The following MRPL45 variants were observed in gnomAD, a reference collection of about 807,000 sequenced individuals.
MRPL45 encodes large ribosomal subunit protein mL45.
Under a neutral mutation model 38.1 loss-of-function variants are expected in MRPL45, and 20 were observed. That is an observed-to-expected ratio of 0.53 (90% CI 0.37 to 0.76). The LOEUF (loss-of-function observed/expected upper bound fraction) is 0.76, where lower values mean the gene tolerates loss of function less well. Among genes scored for constraint, MRPL45 ranks in the 30% least tolerant of loss-of-function variants. MRPL45 has a pLI of 0.00. For missense variants in MRPL45, 337 were observed against 395.6 expected, an observed-to-expected ratio of 0.85 and a Z score of 1.26; for synonymous variants, 105 against 128.8, an observed-to-expected ratio of 0.82 and a Z score of 1.25.
intron 1 of MRPL45, among the ~76,000 whole-genome samples, chr17:38,297,985 T>G (rs2610353): frequency 0.74 from 112,087 of 152,126 alleles, 44,787 homozygotes; most frequent in East Asian, 1. Flanking sequence ...TAGTCCCAGC[T>G]ACTTGGGAGG....
chr17:38,316,024 C>T (rs111234367), intron 4 of MRPL45, among the ~76,000 whole-genome samples: 3,923 of 152,216 alleles, frequency 0.026, 169 homozygotes, highest in African/African-American at 0.09. Flanking sequence ...ATCCACCCAC[C>T]TTGGCCTCCC....
At chr17:38,310,128 TTC>T (rs2037096273) in intron 4 of MRPL45, among the ~76,000 whole-genome samples, 1 of 65,912 alleles carries the variant, frequency 1.5e-5, no homozygotes, top group Non-Finnish European at 3.3e-5. Context: ...TTTTAGAATT[TTC>T]TTTTTTTTTT....
intron 4 of MRPL45, among the ~76,000 whole-genome samples, chr17:38,316,639 A>G (rs916720079): frequency 6.7e-6 from 1 of 150,034 alleles, no homozygotes; most frequent in Non-Finnish European, 1.5e-5. Context: ...TGAAACCCCA[A>G]CTCTACTAAA....
At chr17:38,314,378 A>G (rs1330466358) in intron 4 of MRPL45, among the ~76,000 whole-genome samples, 1 of 152,248 alleles carries the variant, frequency 6.6e-6, no homozygotes, top group Admixed American at 6.5e-5. Context: ...TGCTGGGATT[A>G]CAGGCGTGAG....
intron 4 of MRPL45, among the ~76,000 whole-genome samples, chr17:38,314,653 A>G (rs1212644946): frequency 6.6e-6 from 1 of 152,126 alleles, no homozygotes; most frequent in African/African-American, 2.4e-5. Flanking sequence ...AGTGAAAACT[A>G]TGTGATGTTT....
intron 3 of MRPL45, among the ~76,000 whole-genome samples, chr17:38,300,877 C>T (rs1320688332): frequency 2.3e-4 from 35 of 152,170 alleles, no homozygotes; most frequent in African/African-American, 3.6e-4. Flanking sequence ...ACCCGGGAGG[C>T]GGAGGTTGCG....
chr17:38,306,394 G>A (rs1198718154), intron 3 of MRPL45, 139 bp from the exon 4 acceptor site: 8 of 900,420 alleles, frequency 8.9e-6, no homozygotes, highest in Non-Finnish European at 1.3e-5. Context: ...GGGTGACAGA[G>A]CGAGACTCAA....
chr17:38,302,486 CAAAA>C (rs1301214106), intron 3 of MRPL45, among the ~76,000 whole-genome samples: 2 of 55,754 alleles, frequency 3.6e-5, no homozygotes, highest in African/African-American at 6.9e-5. Context: ...GACTCCATCT[CAAAA>C]AAAAAAAAAA....
At chr17:38,300,307 C>T (rs562017299) in intron 3 of MRPL45, among the ~76,000 whole-genome samples, 8 of 151,996 alleles carry the variant, frequency 5.3e-5, no homozygotes, top group African/African-American at 1.7e-4. Flanking sequence ...TGAGCCACTG[C>T]GCCCAGCCGA....
chr17:38,299,835 C>G (rs1396555072), intron 3 of MRPL45, among the ~76,000 whole-genome samples: 1 of 151,692 alleles, frequency 6.6e-6, no homozygotes, highest in Non-Finnish European at 1.5e-5. Flanking sequence ...CTCCTGGATT[C>G]AAATGATCCT....
intron 4 of MRPL45, among the ~76,000 whole-genome samples, chr17:38,307,282 C>T (rs559830141): frequency 3.9e-4 from 59 of 151,600 alleles, no homozygotes; most frequent in Admixed American, 9.9e-4. Context: ...GCAACCTGCC[C>T]GCCTCGGCCT....
chr17:38,313,267 G>A (rs1327925447), intron 4 of MRPL45, among the ~76,000 whole-genome samples: 2 of 139,562 alleles, frequency 1.4e-5, no homozygotes. Context: ...ACAGGCGTGA[G>A]CTATTGCGCC....
chr17:38,302,099 A>G (rs1203517528), intron 3 of MRPL45, among the ~76,000 whole-genome samples: 1 of 135,972 alleles, frequency 7.4e-6, no homozygotes, highest in Admixed American at 8.6e-5. Flanking sequence ...CCTGGGCGAC[A>G]GAGCAAGACT....
At chr17:38,302,783 G>T (rs1446585559) in intron 3 of MRPL45, among the ~76,000 whole-genome samples, 2 of 150,070 alleles carry the variant, frequency 1.3e-5, no homozygotes, top group Non-Finnish European at 3.0e-5. Flanking sequence ...GGAGTGCAGT[G>T]GCTCCATCTC....
In MRPL45 at chr17:38,312,843, CAAAA is replaced by C. The variant is rs575003890; in HGVS notation, c.462-5837_462-5834del. ...CCTCAATGACAGAGTGAGACTGTCT[CAAAA>C]AAAAAACCCTAACTTTTTGAGGAAC... On this transcript the variant is annotated intron_variant, in intron 4 of 7. Coordinates refer to ENST00000613675, the MANE Select transcript of MRPL45 (RefSeq NM_032351.6). Among the ~76,000 whole-genome samples the C allele has an allele frequency of 2.0e-5, 3 of 148,148 alleles. No individual in the cohort carries two copies. In the Middle Eastern group the frequency reaches 0.01, roughly 507 times the overall value.
chr17:38,308,442 GT>G (rs2037075650), intron 4 of MRPL45, among the ~76,000 whole-genome samples: 2 of 122,392 alleles, frequency 1.6e-5, no homozygotes, highest in South Asian at 2.5e-4. Flanking sequence ...TTTTTTTTTT[GT>G]TTGTTTGTTT....
At chr17:38,300,101 C>G (rs1299377539) in intron 3 of MRPL45, among the ~76,000 whole-genome samples, 1 of 151,546 alleles carries the variant, frequency 6.6e-6, no homozygotes, top group Non-Finnish European at 1.5e-5. Context: ...TCACTGCAAC[C>G]TCTGCCTCCC....
In MRPL45 at chr17:38,298,603, G is replaced by A. The variant is rs370995176; in HGVS notation, c.221G>A (p.Arg74His). ...GLVIPPEKSDRSIHLACTAGI... is the reference protein window; with the variant it reads ...GLVIPPEKSDHSIHLACTAGI... ...GTTATTCCTCCAGAAAAATCGGACC[G>A]TTCCATACATCTGGCCTGTACAGGT... Residue 74 changes from arginine (R) to histidine (H), a missense_variant, in exon 2 of 8, where the codon CGT (arginine) becomes CAT (histidine). By Grantham distance (29) the Arg-to-His change is conservative (BLOSUM62 0). This residue lies in a region of MRPL45 where 60 missense variants were observed against 109.6 expected (regional missense o/e 0.55). Coordinates refer to ENST00000613675, the MANE Select transcript of MRPL45 (RefSeq NM_032351.6). The A allele has an allele frequency of 2.7e-4, 431 of 1,612,342 alleles. No individual in the cohort carries two copies. Among genetic ancestry groups the A allele is most frequent in the Admixed American group, 7.2e-4 (43 of 59,830 alleles).
At chr17:38,318,231 A>G (rs1482011097) in intron 4 of MRPL45, among the ~76,000 whole-genome samples, 4 of 132,254 alleles carry the variant, frequency 3.0e-5, no homozygotes, top group African/African-American at 8.1e-5. Flanking sequence ...AAAAAAAAAG[A>G]TATAAGGCCA....
Sources: gnomAD v4.1 joint callset for allele counts (sites outside exome capture counted in the v4.1 genomes callset) on GRCh38, gnomAD v4.1.1 for gene constraint, gnomAD v4.1.1 regional missense constraint, MANE v1.5 for transcripts, NCBI Gene and HGNC (gene_info 2026-07-23, HGNC 2026-07-21) for gene names.